Variants in SAMD5 observed in about 807,000 individuals in gnomAD.
The protein encoded by SAMD5 is sterile alpha motif domain-containing protein 5.
Under a neutral mutation model 11.3 loss-of-function variants are expected in SAMD5, and 13 were observed. The ratio of observed to expected loss-of-function variants is 1.15; its 90% CI spans 0.75 to 1.83. The LOEUF is 1.83. SAMD5 is among the 40% of genes most tolerant of loss of function. The pLI, the probability that SAMD5 is intolerant of heterozygous loss-of-function variation, is 0.00. For synonymous variants in SAMD5, 129 were observed against 111.3 expected, an observed-to-expected ratio of 1.16 and a Z score of -1.00; for missense variants, 255 against 239.1, an observed-to-expected ratio of 1.07 and a Z score of -0.44.
chr6:147,752,621 G>A, the SAMD5 span, among the ~76,000 whole-genome samples: 1 of 152,090 alleles, frequency 6.6e-6, no homozygotes. Flanking sequence ...CTGGAAACAT[G>A]CAAATTAGGG....
chr6:147,640,415 T>G (rs1790292623), intron 1 of SAMD5, among the ~76,000 whole-genome samples: 1 of 143,596 alleles, frequency 7.0e-6, no homozygotes, highest in Non-Finnish European at 1.5e-5. Flanking sequence ...GAGAATCACT[T>G]GAACCTGGGA....
the SAMD5 span, among the ~76,000 whole-genome samples, chr6:147,903,628 A>G: frequency 2.2e-4 from 34 of 152,210 alleles, no homozygotes; most frequent in African/African-American, 7.2e-4. Context: ...TTCCAACATC[A>G]GCCGGGTGCG....
At chr6:147,650,186 T>G (rs1790464112) in intron 1 of SAMD5, among the ~76,000 whole-genome samples, 1 of 152,144 alleles carries the variant, frequency 6.6e-6, no homozygotes, top group South Asian at 2.1e-4. Context: ...CATTAATTAA[T>G]AAAGTTAATA....
the SAMD5 span, among the ~76,000 whole-genome samples, chr6:147,788,398 T>C: frequency 1.3e-5 from 2 of 152,340 alleles, no homozygotes; most frequent in Non-Finnish European, 2.9e-5. Context: ...GAATATTATA[T>C]TGAGAGAAAA....
the SAMD5 span, among the ~76,000 whole-genome samples, chr6:147,856,587 A>T: frequency 6.6e-6 from 1 of 152,116 alleles, no homozygotes; most frequent in African/African-American, 2.4e-5. Context: ...TTGATAGGAG[A>T]CTCTCAAAAA....
At chr6:147,836,902 TC>T in the SAMD5 span, among the ~76,000 whole-genome samples, 1 of 152,204 alleles carries the variant, frequency 6.6e-6, no homozygotes, top group South Asian at 2.1e-4. Context: ...ATAAAAATTC[TC>T]CTCTGTTAAT....
At chr6:147,834,779 C>T in the SAMD5 span, among the ~76,000 whole-genome samples, 1 of 152,174 alleles carries the variant, frequency 6.6e-6, no homozygotes, top group African/African-American at 2.4e-5. Context: ...GGTAGGAGAG[C>T]TGCTTTTGAG....
At position 147,566,592 on chromosome 6, in the gene SAMD5, C is replaced by G; in HGVS notation, c.*2136C>G. Reference sequence around the variant, plus strand: ...CCTTGGTCATTTCAAGTTTTATTTTCTATTAGAGTAATATCTAACTTCAAT... The same window carrying G: ...CCTTGGTCATTTCAAGTTTTATTTTGTATTAGAGTAATATCTAACTTCAAT... On this transcript the variant is annotated 3_prime_UTR_variant, in exon 2 of 2. Transcript: ENST00000367474. 1 of 979,780 alleles carries G rather than the reference C, an allele frequency of 1.0e-6. No individual in the cohort carries two copies. The highest frequency in any genetic ancestry group is 5.3e-4 in the Middle Eastern group (1 of 1,902). The allele number at this position is 979,780 out of a possible 1,614,324, so 60.7% of individuals were successfully genotyped here. A position where few individuals can be genotyped will look rare whatever the true frequency, so the allele number is the denominator to read the frequency against.
At chr6:147,556,282 C>T (rs865936895) in intron 1 of SAMD5, among the ~76,000 whole-genome samples, 8 of 151,740 alleles carry the variant, frequency 5.3e-5, no homozygotes, top group Non-Finnish European at 7.4e-5. Flanking sequence ...TTAGTAGAGA[C>T]GGGGTTTCAC....
intron 1 of SAMD5, among the ~76,000 whole-genome samples, chr6:147,513,382 C>G (rs1447275848): frequency 6.6e-6 from 1 of 152,070 alleles, no homozygotes; most frequent in Non-Finnish European, 1.5e-5. Context: ...GTTTGGATGA[C>G]AGGGTGGGAG....
chr6:147,755,645 CACT>C, the SAMD5 span, among the ~76,000 whole-genome samples: 2 of 152,044 alleles, frequency 1.3e-5, no homozygotes, highest in African/African-American at 4.8e-5. Flanking sequence ...AAGGCTTTCC[CACT>C]ACTAATACTA....
At chr6:147,544,441 A>T (rs1788653519) in intron 1 of SAMD5, among the ~76,000 whole-genome samples, 1 of 152,242 alleles carries the variant, frequency 6.6e-6, no homozygotes, top group Non-Finnish European at 1.5e-5. Context: ...ACTTAAACTT[A>T]TATAGAAAGT....
At chr6:147,561,684 G>A (rs1003097359) in intron 1 of SAMD5, among the ~76,000 whole-genome samples, 1 of 152,120 alleles carries the variant, frequency 6.6e-6, no homozygotes, top group African/African-American at 2.4e-5. Context: ...AGAAATGTGT[G>A]ATACGTATGG....
At chr6:147,556,127 C>T (rs1465550761) in intron 1 of SAMD5, among the ~76,000 whole-genome samples, 1 of 150,924 alleles carries the variant, frequency 6.6e-6, no homozygotes, top group African/African-American at 2.4e-5. Context: ...GAGTCTTGCT[C>T]TGTCGCCCAG....
At chr6:147,830,801 T>C in the SAMD5 span, among the ~76,000 whole-genome samples, 1,243 of 152,346 alleles carry the variant, frequency 8.2e-3, 19 homozygotes, top group African/African-American at 0.028. Context: ...TTTTCTGTAA[T>C]GAATTTTGTC....
At chr6:147,891,135 A>C in the SAMD5 span, among the ~76,000 whole-genome samples, 12,144 of 152,272 alleles carry the variant, frequency 0.08, 673 homozygotes, top group East Asian at 0.29. Context: ...AAAAGCATTA[A>C]AAAATATTGG....
At chr6:147,852,810 A>G in the SAMD5 span, among the ~76,000 whole-genome samples, 1 of 152,130 alleles carries the variant, frequency 6.6e-6, no homozygotes, top group Non-Finnish European at 1.5e-5. Context: ...GAACCAACAC[A>G]TGGCTCTTTT....
chr6:147,837,673 C>A, the SAMD5 span, among the ~76,000 whole-genome samples: 1 of 152,170 alleles, frequency 6.6e-6, no homozygotes. Context: ...CTTGGAAATA[C>A]CTTGGAGTGT....
chr6:147,719,062 C>T (rs747971680), intron 1 of SAMD5, among the ~76,000 whole-genome samples: 5 of 152,194 alleles, frequency 3.3e-5, no homozygotes, highest in Non-Finnish European at 7.3e-5. Flanking sequence ...TTTTGCTGCT[C>T]AGCAGATGCT....
Sources: gnomAD v4.1 joint callset for allele counts (sites outside exome capture counted in the v4.1 genomes callset) on GRCh38, gnomAD v4.1.1 for gene constraint, MANE v1.5 for transcripts, NCBI Gene and HGNC (gene_info 2026-07-23, HGNC 2026-07-21) for gene names.